The following ZC3H7B variants were observed in gnomAD, a reference collection of about 807,000 sequenced individuals.
The protein encoded by ZC3H7B is zinc finger CCCH-type containing 7B, also known as zinc finger CCCH domain-containing protein 7B.
A neutral mutation model predicts 116.0 loss-of-function variants in ZC3H7B; 35 were observed. That is an observed-to-expected ratio of 0.30 (90% CI 0.23 to 0.40). ZC3H7B has a LOEUF of 0.40. Ranked by LOEUF, ZC3H7B falls within the 10% of genes least tolerant of loss-of-function variation. ZC3H7B has a pLI of 1.00. For missense variants in ZC3H7B, 1,011 were observed against 1,321.5 expected, an observed-to-expected ratio of 0.77 and a Z score of 3.64; for synonymous variants, 502 against 545.6, an observed-to-expected ratio of 0.92 and a Z score of 1.11.
chr22:41,344,965 C>G (rs1216728540), intron 13 of ZC3H7B, among the ~76,000 whole-genome samples: 1 of 152,174 alleles, frequency 6.6e-6, no homozygotes, highest in African/African-American at 2.4e-5. Context: ...GCCACCACAC[C>G]CAGCTTATTC....
At position 41,356,466 on chromosome 22, in the gene ZC3H7B, C is replaced by A. The variant is rs761842811; in HGVS notation, c.2507C>A (p.Ala836Glu). The change falls in exon 21 of 23, where the codon GCG becomes GAG. Residue 836 changes from alanine (A) to glutamate (E), a missense_variant. Ala to Glu is a moderately radical substitution (Grantham distance 107). Coordinates refer to ENST00000352645, the MANE Select transcript of ZC3H7B (RefSeq NM_017590.6). ...CAGATCCAGATGCCCACGGACTACGCGGACATCATGGTAACGCCTCCGCCC... is the reference window on the plus strand; with the variant it reads ...CAGATCCAGATGCCCACGGACTACGAGGACATCATGGTAACGCCTCCGCCC... ...EKQIQMPTDY[A>E]DIMMGYHCWL... 8 of 1,613,954 alleles carry A rather than the reference C, an allele frequency of 5.0e-6. No individual in the cohort carries two copies. In the African/African-American group the frequency reaches 8.0e-5, roughly 16 times the overall value.
intron 6 of ZC3H7B, 123 bp downstream of exon 6, chr22:41,330,226 A>G (rs549991750): frequency 2.0e-4 from 178 of 906,384 alleles, no homozygotes; most frequent in Non-Finnish European, 2.9e-4. Flanking sequence ...GAGGGGAGTG[A>G]CAGCAGGTGA....
intron 11 of ZC3H7B, among the ~76,000 whole-genome samples, chr22:41,341,897 A>G (rs1347489880): frequency 1.3e-5 from 2 of 152,012 alleles, no homozygotes; most frequent in South Asian, 2.1e-4. Context: ...CCCCGTCTCT[A>G]TTAAAAATAC....
chr22:41,343,956 C>T (rs953265086), intron 13 of ZC3H7B, among the ~76,000 whole-genome samples: 30 of 152,200 alleles, frequency 2.0e-4, no homozygotes, highest in African/African-American at 5.8e-4. Flanking sequence ...GCATTTAGGA[C>T]TGGCGCATGG....
intron 1 of ZC3H7B, among the ~76,000 whole-genome samples, chr22:41,306,164 C>T (rs542298512): frequency 5.0e-4 from 76 of 152,236 alleles, no homozygotes; most frequent in African/African-American, 1.8e-3. Context: ...ATGATCCTTT[C>T]GATTCTCTGG....
intron 7 of ZC3H7B, chr22:41,336,320 G>A (rs1409990248): frequency 2.6e-5 from 4 of 152,108 alleles, no homozygotes; most frequent in African/African-American, 9.7e-5. Context: ...TTGAAGTCAG[G>A]AGTTTGAGAT....
Position 41,343,534 on chromosome 22 carries a change from C to T in ZC3H7B, c.1417C>T (p.Pro473Ser). ...GACCTGGAAGCGGATCCGGCCCCGG[C>T]CCACTAAGACCAGCTTCGTGGGCTC... ...DQTWKRIRPR[P>S]TKTSFVGSYY... Residue 473 changes from proline to serine, a missense_variant, in exon 13 of 23, where the codon CCC becomes TCC. Around this residue, in one of 5 missense-constraint regions of ZC3H7B, gnomAD observed 179 missense variants for 178.5 expected, o/e 1.00. Coordinates refer to ENST00000352645, the MANE Select transcript of ZC3H7B (RefSeq NM_017590.6). 6.2e-7 allele frequency: 1 copy of T among 1,612,600 alleles called. No individual in the cohort carries two copies. Among genetic ancestry groups the T allele is most frequent in the South Asian group, 1.1e-5 (1 of 90,984 alleles).
rs151104174 is a variant in ZC3H7B at position 41,349,111 on chromosome 22, GC to G, written c.1767-6del. The G allele has an allele frequency of 2.9e-4, 461 of 1,613,014 alleles. 3 individuals are homozygous for G. In the African/African-American group the frequency reaches 5.5e-3, roughly 19 times the overall value. On this transcript the variant is annotated splice_polypyrimidine_tract_variant and splice_region_variant and intron_variant, in intron 15 of 22. Coordinates refer to ENST00000352645, the MANE Select transcript of ZC3H7B (RefSeq NM_017590.6). This position sits in a 1 kb window ranked among gnomAD's most constrained non-coding sequence, Gnocchi z 4.9. ...TGCATCGTGCCCCTCCTGCCTGCCCGCCCGCCAGGTGCCTGGTGCACATCGT... is the reference window on the plus strand; with the variant it reads ...TGCATCGTGCCCCTCCTGCCTGCCCGCCGCCAGGTGCCTGGTGCACATCGT...
chr22:41,329,258 C>CTTT (rs368796113), intron 5 of ZC3H7B, among the ~76,000 whole-genome samples: 3 of 114,804 alleles, frequency 2.6e-5, no homozygotes, highest in Non-Finnish European at 3.4e-5. Flanking sequence ...CAAAACTAAG[C>CTTT]TTTTTTTTTT....
At chr22:41,315,352 G>GTTTTTTT (rs34182958) in intron 1 of ZC3H7B, among the ~76,000 whole-genome samples, 11 of 118,884 alleles carry the variant, frequency 9.3e-5, no homozygotes, top group Non-Finnish European at 1.2e-4. Context: ...AATTTCTAGT[G>GTTTTTTT]TTTTTTTTTT....
chr22:41,352,241 C>T (rs6002345), intron 17 of ZC3H7B, among the ~76,000 whole-genome samples: 4 of 152,290 alleles, frequency 2.6e-5, no homozygotes, highest in Admixed American at 6.5e-5. Flanking sequence ...CCTCTGGGCT[C>T]GTGTGAGTTT....
intron 14 of ZC3H7B, among the ~76,000 whole-genome samples, chr22:41,347,628 C>T (rs889095864): frequency 2.6e-5 from 4 of 152,122 alleles, no homozygotes; most frequent in Admixed American, 6.5e-5. Flanking sequence ...GGTTTGGTGC[C>T]GCTCAGTCCA....
At chr22:41,305,937 G>A (rs1476119895) in intron 1 of ZC3H7B, among the ~76,000 whole-genome samples, 3 of 152,212 alleles carry the variant, frequency 2.0e-5, no homozygotes, top group Non-Finnish European at 4.4e-5. Context: ...CCCCAATGTA[G>A]AGGAGGAAGG....
At position 41,356,365 on chromosome 22, in the gene ZC3H7B, T is replaced by C; in HGVS notation, c.2406T>C (p.Tyr802=). ...ENKILDMQQT[Y]DMWLKKHNPG... ...CAGTCCTGGACATGCAGCAGACCTA[T>C]GACATGTGGCTGAAAAAACACAACC... The change falls in exon 21 of 23, where the codon TAT becomes TAC. Residue 802 remains tyrosine, a synonymous_variant. Coordinates refer to ENST00000352645, the MANE Select transcript of ZC3H7B (RefSeq NM_017590.6). 6.2e-7 allele frequency: 1 copy of C among 1,614,020 alleles called. No homozygotes were observed.
intron 11 of ZC3H7B, among the ~76,000 whole-genome samples, chr22:41,341,830 G>T (rs543859587): frequency 3.7e-4 from 56 of 152,254 alleles, no homozygotes; most frequent in African/African-American, 1.3e-3. Flanking sequence ...TTGGGAGGCC[G>T]AGGTGTGCAG....
At chr22:41,341,813 C>T (rs193057460) in intron 11 of ZC3H7B, among the ~76,000 whole-genome samples, 4 of 152,144 alleles carry the variant, frequency 2.6e-5, no homozygotes, top group African/African-American at 9.6e-5. Context: ...CCTATAATCC[C>T]AGCACTTTGG....
At position 41,346,227 on chromosome 22, in the gene ZC3H7B, C is replaced by T. The variant is rs370190442; in HGVS notation, c.1665+19C>T. On this transcript the variant is annotated intron_variant, in intron 14 of 22. Coordinates refer to ENST00000352645, the MANE Select transcript of ZC3H7B (RefSeq NM_017590.6). The surrounding 1 kb of genome is among the most constrained non-coding windows in gnomAD (Gnocchi z 5.3). ...CTGCGAGGTACTGCCCACCCACCCACTGCCACCCCATAGGCCATGGCACAG... is the reference window on the plus strand; with the variant it reads ...CTGCGAGGTACTGCCCACCCACCCATTGCCACCCCATAGGCCATGGCACAG... The T allele has an allele frequency of 3.1e-6, 5 of 1,605,792 alleles. No homozygotes were observed. In the African/African-American group the frequency reaches 5.3e-5, roughly 17 times the overall value.
intron 4 of ZC3H7B, among the ~76,000 whole-genome samples, chr22:41,326,178 C>G (rs1360738873): frequency 1.3e-5 from 2 of 152,204 alleles, no homozygotes; most frequent in Non-Finnish European, 2.9e-5. Context: ...TAGCCCTGCC[C>G]TAGATGAAGT....
chr22:41,311,767 G>C (rs1460126212), intron 1 of ZC3H7B, among the ~76,000 whole-genome samples: 4 of 152,074 alleles, frequency 2.6e-5, no homozygotes, highest in Non-Finnish European at 4.4e-5. Context: ...CAGGAGCACT[G>C]TCCCTTAAAT....
Sources: gnomAD v4.1 joint callset for allele counts (sites outside exome capture counted in the v4.1 genomes callset) on GRCh38, gnomAD v4.1.1 for gene constraint, gnomAD v4.1.1 regional missense constraint, Gnocchi (gnomAD v3.1) non-coding constraint, MANE v1.5 for transcripts, NCBI Gene and HGNC (gene_info 2026-07-23, HGNC 2026-07-21) for gene names.